The following ATP11B variants were observed in gnomAD, a reference collection of about 807,000 sequenced individuals.
ATP11B encodes ATPase phospholipid transporting 11B (putative).
A neutral mutation model predicts 157.8 loss-of-function variants in ATP11B; 81 were observed. That is an observed-to-expected ratio of 0.51 (90% CI 0.43 to 0.62). The LOEUF (loss-of-function observed/expected upper bound fraction) is 0.62. Among genes scored for constraint, ATP11B ranks in the 20% least tolerant of loss-of-function variants. The pLI is 0.00. For missense variants in ATP11B, 1,165 were observed against 1,402.2 expected (o/e 0.83, Z 2.70); for synonymous variants, 451 against 469.4 (o/e 0.96, Z 0.51).
intron 25 of ATP11B, among the ~76,000 whole-genome samples, chr3:182,896,283 G>C (rs1437915563): frequency 1.3e-5 from 2 of 152,142 alleles, no homozygotes; most frequent in South Asian, 4.1e-4. Flanking sequence ...CTACTGTACT[G>C]TATCCAAAAA....
chr3:182,794,117 C>G (rs1307341783), intron 1 of ATP11B, among the ~76,000 whole-genome samples: 4 of 152,218 alleles, frequency 2.6e-5, no homozygotes, highest in Admixed American at 2.0e-4. Flanking sequence ...GGCGGTGCCC[C>G]CAGAGGAAAC....
At chr3:182,844,691 A>G in intron 8 of ATP11B, 4 of 243,090 alleles carry the variant, frequency 1.6e-5, no homozygotes, top group Non-Finnish European at 2.6e-5. Flanking sequence ...TGCAGAATTC[A>G]TCCATTTATA....
chr3:182,841,245 T>C (rs1156758392), intron 7 of ATP11B, among the ~76,000 whole-genome samples: 1 of 152,246 alleles, frequency 6.6e-6, no homozygotes, highest in African/African-American at 2.4e-5. Flanking sequence ...GTTTTCATAA[T>C]ACATAATATT....
At chr3:182,877,015 C>T (rs1324776669) in intron 19 of ATP11B, among the ~76,000 whole-genome samples, 1 of 152,180 alleles carries the variant, frequency 6.6e-6, no homozygotes, top group East Asian at 1.9e-4. Context: ...AATTTCATGC[C>T]TTTGAAAGCT....
intron 1 of ATP11B, among the ~76,000 whole-genome samples, chr3:182,815,722 G>T (rs866032541): frequency 6.6e-6 from 1 of 152,106 alleles, no homozygotes; most frequent in Non-Finnish European, 1.5e-5. Flanking sequence ...GCTAGAAGGC[G>T]CTGTGAACTC....
chr3:182,868,404 A>G (rs1721404086), intron 15 of ATP11B, among the ~76,000 whole-genome samples: 1 of 150,166 alleles, frequency 6.7e-6, no homozygotes, highest in Admixed American at 6.7e-5. Flanking sequence ...TTATTTTATC[A>G]ACTTATAAAC....
Position 182,845,926 on chromosome 3 carries a change from T to C in ATP11B, c.769+404T>C, listed in dbSNP as rs1008867330. Among the ~76,000 whole-genome samples the C allele has an allele frequency of 8.5e-5, 13 of 152,204 alleles. No homozygotes were observed. The East Asian group carries it at 2.5e-3, about 29-fold the overall frequency. On this transcript the variant is annotated intron_variant, in intron 9 of 29. Transcript: ENST00000323116. ...TCCATTCATACATTCATTCAACAAATTTACTGATATCTGAATATATACTAG... is the reference window on the plus strand; with the variant it reads ...TCCATTCATACATTCATTCAACAAACTTACTGATATCTGAATATATACTAG...
intron 1 of ATP11B, among the ~76,000 whole-genome samples, chr3:182,815,580 T>C (rs908955968): frequency 3.3e-5 from 5 of 152,184 alleles, no homozygotes. Context: ...AATAAAATTC[T>C]GTTCATTTAT....
chr3:182,862,279 TAA>T (rs1157886585), intron 12 of ATP11B, among the ~76,000 whole-genome samples: 1 of 136,552 alleles, frequency 7.3e-6, no homozygotes, highest in Admixed American at 7.3e-5. Flanking sequence ...AAACCCTGTC[TAA>T]AAAAAAAAAA....
At chr3:182,904,401 A>G in intron 28 of ATP11B, among the ~76,000 whole-genome samples, 1 of 152,250 alleles carries the variant, frequency 6.6e-6, no homozygotes, top group African/African-American at 2.4e-5. Flanking sequence ...ATGGAGAACA[A>G]GTGCCCATAT....
chr3:182,837,035 A>C, intron 6 of ATP11B, 36 bp from the exon 7 acceptor site: 1 of 1,501,086 alleles, frequency 6.7e-7, no homozygotes, highest in Non-Finnish European at 9.2e-7. Context: ...CGCAATTTGG[A>C]TCTGAAAACT....
chr3:182,832,981 AAGGGTCATATTTCAAATC>A (rs1718267705), intron 4 of ATP11B, among the ~76,000 whole-genome samples: 1 of 152,034 alleles, frequency 6.6e-6, no homozygotes, highest in African/African-American at 2.4e-5. Flanking sequence ...TTATTCAAGT[AAGGGTCATATTTCAAATC>A]AGTAGGTAAA....
intron 19 of ATP11B, among the ~76,000 whole-genome samples, chr3:182,876,807 G>C (rs745687939): frequency 2.0e-4 from 30 of 152,130 alleles, no homozygotes; most frequent in Non-Finnish European, 4.1e-4. Context: ...ATAACAATGG[G>C]GGTTAACTTT....
chr3:182,808,259 GGA>G (rs1193096994), intron 1 of ATP11B, among the ~76,000 whole-genome samples: 3 of 152,118 alleles, frequency 2.0e-5, no homozygotes, highest in Non-Finnish European at 4.4e-5. Context: ...TGTTTACTAT[GGA>G]GAGACTGTAA....
intron 12 of ATP11B, among the ~76,000 whole-genome samples, chr3:182,863,140 G>A (rs987030830): frequency 1.3e-5 from 2 of 151,854 alleles, no homozygotes; most frequent in Admixed American, 6.6e-5. Flanking sequence ...TCCTGACCTC[G>A]TGATCCACCC....
chr3:182,875,205 A>C (rs1235898707), intron 19 of ATP11B, among the ~76,000 whole-genome samples: 1 of 152,208 alleles, frequency 6.6e-6, no homozygotes, highest in Non-Finnish European at 1.5e-5. Context: ...GTATGTAAGC[A>C]TATTAGGTCT....
At chr3:182,802,684 C>A (rs1716087375) in intron 1 of ATP11B, among the ~76,000 whole-genome samples, 1 of 152,078 alleles carries the variant, frequency 6.6e-6, no homozygotes, top group Non-Finnish European at 1.5e-5. Flanking sequence ...AATGTTCTGA[C>A]CCTCCCCATT....
At chr3:182,870,487 A>G (rs1471994589) in intron 17 of ATP11B, among the ~76,000 whole-genome samples, 1 of 152,224 alleles carries the variant, frequency 6.6e-6, no homozygotes, top group African/African-American at 2.4e-5. Context: ...TGTGAGAACA[A>G]AGACATTGTT....
chr3:182,818,121 G>C (rs1170313345), intron 1 of ATP11B, among the ~76,000 whole-genome samples: 1 of 152,196 alleles, frequency 6.6e-6, no homozygotes, highest in Non-Finnish European at 1.5e-5. Context: ...AAAGATGGCA[G>C]AAAGCATATT....
Sources: allele counts gnomAD v4.1 joint callset (sites outside exome capture counted in the v4.1 genomes callset), GRCh38; gene constraint gnomAD v4.1.1; transcripts MANE v1.5; gene names NCBI Gene and HGNC (gene_info 2026-07-23, HGNC 2026-07-21).